GRIK4: variants seen among roughly 807,000 people sequenced by gnomAD.
GRIK4 encodes glutamate ionotropic receptor kainate type subunit 4, also known as glutamate receptor ionotropic, kainate 4.
A neutral mutation model predicts 104.9 loss-of-function variants in GRIK4; 40 were observed. The observed-to-expected ratio is 0.38, with a 90% confidence interval of 0.30 to 0.50. The LOEUF (loss-of-function observed/expected upper bound fraction) is 0.50, where lower values mean the gene tolerates loss of function less well. Ranked by LOEUF, GRIK4 falls within the 20% of genes least tolerant of loss-of-function variation. The pLI is 0.93. For missense variants in GRIK4, 1,047 were observed against 1,308.1 expected (o/e 0.80, Z 3.08); for synonymous variants, 485 against 524.9 (o/e 0.92, Z 1.04).
Position 120,905,161 on chromosome 11 carries a change from T to G in GRIK4, c.1273-129T>G. ...CTGGTCATCACCCCAAAGTAGCCCATTACCCACGTCAGTTTCCTCCTTCTG... is the reference window on the plus strand; with the variant it reads ...CTGGTCATCACCCCAAAGTAGCCCAGTACCCACGTCAGTTTCCTCCTTCTG... On this transcript the variant is annotated intron_variant, in intron 12 of 20. Coordinates refer to ENST00000527524, the MANE Select transcript of GRIK4 (RefSeq NM_014619.5). The surrounding 1 kb of genome is among the most constrained non-coding windows in gnomAD (Gnocchi z 5.1). The G allele has an allele frequency of 1.4e-6, 1 of 729,238 alleles. No individual in the cohort carries two copies. The highest frequency in any genetic ancestry group is 1.7e-5 in the African/African-American group (1 of 58,398). The allele number at this position is 729,238 out of a possible 1,614,324, so 45.2% of individuals were successfully genotyped here.
Position 120,715,285 on chromosome 11 carries a change from G to A in GRIK4, c.82+54885G>A, listed in dbSNP as rs558727458. Among the ~76,000 whole-genome samples the A allele has an allele frequency of 2.7e-4, 41 of 152,318 alleles. 2 individuals are homozygous for A. The South Asian group carries it at 8.1e-3, about 30-fold the overall frequency. ...AGTCCCGAGGAGCCCCAACCTACGA[G>A]GGCAGGCAAGAAAGTCGACCCTGCA... On this transcript the variant is annotated intron_variant, in intron 3 of 20. Coordinates refer to ENST00000527524, the MANE Select transcript of GRIK4 (RefSeq NM_014619.5).
intron 3 of GRIK4, among the ~76,000 whole-genome samples, chr11:120,667,713 G>C (rs1949940342): frequency 1.3e-5 from 2 of 152,358 alleles, no homozygotes; most frequent in Middle Eastern, 3.4e-3. Flanking sequence ...GCAGCTCGTG[G>C]TGGACCCAGC....
chr11:120,819,725 C>T lies in GRIK4; in HGVS notation c.346-30C>T. 1 of 1,611,564 alleles carries T rather than the reference C, an allele frequency of 6.2e-7. No homozygotes were observed. The highest frequency in any genetic ancestry group is 8.5e-7 in the Non-Finnish European group (1 of 1,177,780). Reference sequence around the variant, plus strand: ...TTCCTTTTCACCCACCTGGATCCTCCCTGCTGTCCGTTTTTGCTCCTCTTG... The same window carrying T: ...TTCCTTTTCACCCACCTGGATCCTCTCTGCTGTCCGTTTTTGCTCCTCTTG... On this transcript the variant is annotated intron_variant, in intron 5 of 20. Coordinates refer to ENST00000527524, the MANE Select transcript of GRIK4 (RefSeq NM_014619.5). This position sits in a 1 kb window ranked among gnomAD's most constrained non-coding sequence, Gnocchi z 4.3.
At position 120,986,204 on chromosome 11, in the gene GRIK4, C is replaced by T. The variant is rs941079896; in HGVS notation, c.2815C>T (p.Arg939Cys). The T allele has an allele frequency of 3.8e-6, 6 of 1,570,670 alleles. No homozygotes were observed. The highest frequency in any genetic ancestry group is 1.4e-5 in the African/African-American group (1 of 71,682). Residue 939 changes from arginine (R) to cysteine (C), a missense_variant, in exon 21 of 21, where the codon CGC becomes TGC. Coordinates refer to ENST00000527524, the MANE Select transcript of GRIK4 (RefSeq NM_014619.5). ...CCTGCGGGCACGGCCGTCGCCCGCCCGCAGCGAGGAGAGCCTGGAGTGGGA... is the reference window on the plus strand; with the variant it reads ...CCTGCGGGCACGGCCGTCGCCCGCCTGCAGCGAGGAGAGCCTGGAGTGGGA... ...QGLRARPSPA[R>C]SEESLEWEKT...
intron 11 of GRIK4, among the ~76,000 whole-genome samples, chr11:120,892,812 A>C (rs1323952285): frequency 6.6e-6 from 1 of 152,170 alleles, no homozygotes; most frequent in African/African-American, 2.4e-5. Context: ...CATTCACTAC[A>C]ACCCTGTGGC....
intron 3 of GRIK4, among the ~76,000 whole-genome samples, chr11:120,697,887 C>T (rs1466712889): frequency 1.3e-5 from 2 of 152,180 alleles, no homozygotes; most frequent in African/African-American, 2.4e-5. Flanking sequence ...GTCACAGCTC[C>T]TGCACCTGCC....
At chr11:120,629,915 T>C (rs2135181071) in intron 1 of GRIK4, among the ~76,000 whole-genome samples, 1 of 152,336 alleles carries the variant, frequency 6.6e-6, no homozygotes, top group Non-Finnish European at 1.5e-5. Flanking sequence ...CCAGCTGTCC[T>C]AGTGCTAATC....
intron 8 of GRIK4, among the ~76,000 whole-genome samples, chr11:120,847,928 T>C (rs898798310): frequency 6.6e-6 from 1 of 152,162 alleles, no homozygotes; most frequent in African/African-American, 2.4e-5. Context: ...AAAAAGAGAA[T>C]GGAAACCAGA....
intron 1 of GRIK4, among the ~76,000 whole-genome samples, chr11:120,612,858 C>A (rs773964472): frequency 6.6e-6 from 1 of 152,080 alleles, no homozygotes; most frequent in African/African-American, 2.4e-5. Context: ...GAGCTTCCAC[C>A]GTGTGTAGAG....
At chr11:120,698,397 C>G (rs943885428) in intron 3 of GRIK4, among the ~76,000 whole-genome samples, 1 of 152,236 alleles carries the variant, frequency 6.6e-6, no homozygotes, top group Admixed American at 6.5e-5. Flanking sequence ...CCACTGCTGG[C>G]TGTGTAACCT....
intron 1 of GRIK4, among the ~76,000 whole-genome samples, chr11:120,586,845 C>G (rs1242711592): frequency 6.6e-6 from 1 of 152,172 alleles, no homozygotes; most frequent in Non-Finnish European, 1.5e-5. Flanking sequence ...TGGTTAGGAT[C>G]AGGCCCTGCA....
intron 8 of GRIK4, among the ~76,000 whole-genome samples, chr11:120,844,904 A>C (rs1172794252): frequency 6.6e-6 from 1 of 152,218 alleles, no homozygotes; most frequent in Admixed American, 6.5e-5. Context: ...AGGGGAGGGC[A>C]GAAGAGTGCA....
chr11:120,585,988 A>G (rs1343220240), intron 1 of GRIK4, among the ~76,000 whole-genome samples: 2 of 145,922 alleles, frequency 1.4e-5, no homozygotes, highest in Admixed American at 6.6e-5. Context: ...AGAGATGCCC[A>G]TGGGGCATAA....
rs1169915745 is a variant in GRIK4 at position 120,781,126 on chromosome 11, CCTTT to C, written c.83-21558_83-21555del. Among the ~76,000 whole-genome samples the C allele has an allele frequency of 4.0e-5, 6 of 150,926 alleles. No individual in the cohort carries two copies. In the South Asian group the frequency reaches 6.3e-4, roughly 16 times the overall value. ...GTTCCAATTTCTCCACTTTTTATGT[CCTTT>C]CTTTCTTTTTTTTTTTTTGGTTTGT... On this transcript the variant is annotated intron_variant, in intron 3 of 20. Coordinates refer to ENST00000527524, the MANE Select transcript of GRIK4 (RefSeq NM_014619.5).
intron 9 of GRIK4, among the ~76,000 whole-genome samples, chr11:120,867,700 AG>A (rs1278188273): frequency 6.6e-6 from 1 of 151,922 alleles, no homozygotes; most frequent in African/African-American, 2.4e-5. Context: ...TAACCAGGAA[AG>A]CAAGATCAGT....
intron 13 of GRIK4, among the ~76,000 whole-genome samples, chr11:120,915,848 G>C (rs889058719): frequency 6.6e-6 from 1 of 152,222 alleles, no homozygotes; most frequent in Admixed American, 6.5e-5. Flanking sequence ...TTATTACTCT[G>C]TTCCACAGAT....
At chr11:120,527,784 A>C (rs1947873950) in intron 1 of GRIK4, among the ~76,000 whole-genome samples, 1 of 152,134 alleles carries the variant, frequency 6.6e-6, no homozygotes, top group African/African-American at 2.4e-5. Context: ...CAAGGTTTCC[A>C]ATCAGGTGGG....
intron 1 of GRIK4, among the ~76,000 whole-genome samples, chr11:120,644,128 C>A (rs1197101337): frequency 6.6e-6 from 1 of 151,432 alleles, no homozygotes; most frequent in Non-Finnish European, 1.5e-5. Context: ...AGTTCTGTGA[C>A]ACAGGGTTTT....
intron 19 of GRIK4, among the ~76,000 whole-genome samples, chr11:120,974,897 A>G (rs764055124): frequency 9.2e-5 from 14 of 152,126 alleles, no homozygotes; most frequent in Non-Finnish European, 1.8e-4. Context: ...TTATTTATTT[A>G]TTTTCTCACT....
Sources: gnomAD v4.1 joint callset for allele counts (sites outside exome capture counted in the v4.1 genomes callset) on GRCh38, gnomAD v4.1.1 for gene constraint, Gnocchi (gnomAD v3.1) non-coding constraint, MANE v1.5 for transcripts, NCBI Gene and HGNC (gene_info 2026-07-23, HGNC 2026-07-21) for gene names.